The following ABHD17B variants were observed in gnomAD, a reference collection of about 807,000 sequenced individuals.
The protein encoded by ABHD17B is alpha/beta hydrolase domain-containing protein 17B.
In ABHD17B, 9 loss-of-function variants were observed where a neutral mutation model predicts 26.2. The ratio of observed to expected loss-of-function variants is 0.34; its 90% confidence interval spans 0.21 to 0.60. ABHD17B has a LOEUF of 0.60. Ranked by LOEUF, ABHD17B falls within the 20% of genes least tolerant of loss-of-function variation. The pLI, the probability that ABHD17B is intolerant of heterozygous loss-of-function variation, is 0.80. For missense variants in ABHD17B, 224 were observed against 352.1 expected, an observed-to-expected ratio of 0.64 and a Z score of 2.91; for synonymous variants, 127 against 122.3, an observed-to-expected ratio of 1.04 and a Z score of -0.25.
chr9:71,899,439 A>C (rs758556891), intron 1 of ABHD17B, among the ~76,000 whole-genome samples: 1 of 152,228 alleles, frequency 6.6e-6, no homozygotes, highest in Non-Finnish European at 1.5e-5. Context: ...TAAGGAAGAA[A>C]GCAGGCATTT....
At chr9:71,902,376 T>C (rs1362850775) in intron 1 of ABHD17B, 3 of 152,174 alleles carry the variant, frequency 2.0e-5, no homozygotes, top group African/African-American at 7.2e-5. Flanking sequence ...CCTTTATATA[T>C]GTAAAGTCCT....
chr9:71,891,459 A>G (rs946908393), intron 1 of ABHD17B, among the ~76,000 whole-genome samples: 19 of 152,132 alleles, frequency 1.2e-4, no homozygotes, highest in Admixed American at 9.2e-4. Flanking sequence ...ACTATCCACT[A>G]TATCTATAAA....
intron 1 of ABHD17B, among the ~76,000 whole-genome samples, chr9:71,875,678 C>A (rs1826253289): frequency 6.6e-6 from 1 of 152,188 alleles, no homozygotes; most frequent in South Asian, 2.1e-4. Flanking sequence ...TAATATTTGC[C>A]ATTTCTTTAC....
In ABHD17B at chr9:71,874,735, A is replaced by G. The variant is rs149670177; in HGVS notation, c.346T>C (p.Ser116Pro). The G allele has an allele frequency of 1.3e-4, 215 of 1,614,094 alleles. 1 individual carries two copies. Among genetic ancestry groups the G allele is most frequent in the Non-Finnish European group, 1.6e-4 (188 of 1,180,034 alleles). Residue 116 changes from serine (S) to proline (P), a missense_variant, in exon 2 of 4, where the codon TCA (serine) becomes CCA (proline). Transcript: ENST00000333421. Reference protein sequence around the residue: ...QMSSFYIGLGSRINCNIFSYD... With the variant: ...QMSSFYIGLGPRINCNIFSYD... ...GAGAATATATTACAATTAATCCGTGATCCTAGTCCTATGTAAAAGCTGCTC... is the reference window on the plus strand; with the variant it reads ...GAGAATATATTACAATTAATCCGTGGTCCTAGTCCTATGTAAAAGCTGCTC...
chr9:71,875,010 G>A lies in ABHD17B; in HGVS notation c.71C>T (p.Ser24Leu). Residue 24 changes from serine to leucine, a missense_variant, in exon 2 of 4, where the codon TCA (serine) becomes TTA (leucine). Physicochemically the swap from Ser to Leu is moderately radical, Grantham distance 145. Transcript: ENST00000333421. ...ATCAGGTGGCAAAAACGCTAATTTT[G>A]AAGCAATCTTCCCTGGACAAGGTGG... is the stretch of plus-strand genomic sequence containing the variant. ...CCPPCPGKIA[S>L]KLAFLPPDPT... 1 of 1,614,088 alleles carries A rather than the reference G, an allele frequency of 6.2e-7. No homozygotes were observed. The highest frequency in any genetic ancestry group is 8.5e-7 in the Non-Finnish European group (1 of 1,180,008).
chr9:71,866,849 G>C lies in ABHD17B; in HGVS notation c.805C>G (p.Leu269Val). The C allele has an allele frequency of 6.2e-7, 1 of 1,614,174 alleles. No homozygotes were observed. Among genetic ancestry groups the C allele is most frequent in the East Asian group, 2.2e-5 (1 of 44,886 alleles). The change falls in exon 4 of 4, where the codon CTT (leucine) becomes GTT (valine). Residue 269 changes from leucine (L) to valine (V), a missense_variant. Transcript: ENST00000333421. Reference protein sequence around the residue: ...VEGAGHNDVELYGQYLERLKQ... With the variant: ...VEGAGHNDVEVYGQYLERLKQ... ...AACCTTTCAAGATACTGTCCATAAA[G>C]TTCCACATCATTGTGACCTGCTCCT...
rs1261791573 is a variant in ABHD17B at position 71,910,586 on chromosome 9, CTCCCCGAGCCGGGCTGCGGCGTCCCCAA to C, written c.-4+20_-4+47del. On this transcript the variant is annotated intron_variant, in intron 1 of 3. Transcript: ENST00000333421. Reference sequence around the variant, plus strand: ...GCTGCGGCTCCCGGCCTAGCGCCCCCTCCCCGAGCCGGGCTGCGGCGTCCCCAAACCCCGAGGCCGCACGCACCTGCAC... The same window carrying C: ...GCTGCGGCTCCCGGCCTAGCGCCCCCACCCCGAGGCCGCACGCACCTGCAC... The C allele has an allele frequency of 6.6e-6, 1 of 152,078 alleles. No homozygotes were observed. The highest frequency in any genetic ancestry group is 1.5e-5 in the Non-Finnish European group (1 of 68,054). The allele number at this position is 152,078 out of a possible 1,614,324, so 9.4% of individuals were successfully genotyped here.
Position 71,896,222 on chromosome 9 carries a change from T to A in ABHD17B, c.-4+14412A>T, listed in dbSNP as rs1826948617. Among the ~76,000 whole-genome samples the A allele has an allele frequency of 2.0e-5, 3 of 152,310 alleles. No homozygotes were observed. In the South Asian group the frequency reaches 6.2e-4, roughly 32 times the overall value. On this transcript the variant is annotated intron_variant, in intron 1 of 3. Coordinates refer to ENST00000333421, the MANE Select transcript of ABHD17B (RefSeq NM_001025780.3). The stretch of plus-strand genomic sequence containing the variant: ...CTTGATTCAGTGAATGCTCATTCTG[T>A]CCCCAACTTCACTTCTATATGATTA...
At chr9:71,862,598 G>C (rs144986647), downstream of ABHD17B, 244 of 1,327,238 alleles carry the variant, frequency 1.8e-4, no homozygotes, top group East Asian at 5.5e-3. Flanking sequence ...CCTTCTTTAT[G>C]TTTCTGCACC....
rs1235834729 is a variant in ABHD17B at position 71,875,098 on chromosome 9, G to A, written c.-3-15C>T. 1.3e-6 allele frequency: 2 copies of A among 1,574,284 alleles called. No individual in the cohort carries two copies. Among genetic ancestry groups the A allele is most frequent in the African/African-American group, 1.4e-5 (1 of 73,966 alleles). On this transcript the variant is annotated splice_polypyrimidine_tract_variant and intron_variant, in intron 1 of 3. Transcript: ENST00000333421. Reference sequence around the variant, plus strand: ...TTATTCATGCTCTGAAAAAGAAAAGGAGATAGCAAATATTTTAATAACTGA... The same window carrying A: ...TTATTCATGCTCTGAAAAAGAAAAGAAGATAGCAAATATTTTAATAACTGA...
intron 1 of ABHD17B, among the ~76,000 whole-genome samples, chr9:71,888,290 C>T (rs1325555908): frequency 2.6e-5 from 4 of 152,298 alleles, no homozygotes; most frequent in African/African-American, 7.2e-5. Context: ...TGTTGCTGAG[C>T]GTAAGCTAGA....
intron 1 of ABHD17B, among the ~76,000 whole-genome samples, chr9:71,895,850 T>C (rs1041710491): frequency 1.3e-5 from 2 of 152,112 alleles, no homozygotes; most frequent in African/African-American, 4.8e-5. Context: ...AAAAATTACT[T>C]TGGAATGCAA....
chr9:71,887,590 G>C (rs1448368061), intron 1 of ABHD17B, among the ~76,000 whole-genome samples: 1 of 152,146 alleles, frequency 6.6e-6, no homozygotes, highest in Non-Finnish European at 1.5e-5. Flanking sequence ...GTGGCTACAA[G>C]TTACACAGCA....
chr9:71,864,508 C>T (rs548877700), downstream of ABHD17B, among the ~76,000 whole-genome samples: 2 of 151,920 alleles, frequency 1.3e-5, no homozygotes, highest in Non-Finnish European at 2.9e-5. Flanking sequence ...CATGAGCCAC[C>T]GCCCCTGGCC....
chr9:71,887,521 T>C (rs1036888465), intron 1 of ABHD17B, among the ~76,000 whole-genome samples: 20 of 152,212 alleles, frequency 1.3e-4, no homozygotes, highest in African/African-American at 4.6e-4. Context: ...CCACATATGA[T>C]TATTTAAATT....
At chr9:71,877,366 A>G (rs1826307930) in intron 1 of ABHD17B, among the ~76,000 whole-genome samples, 1 of 152,220 alleles carries the variant, frequency 6.6e-6, no homozygotes, top group African/African-American at 2.4e-5. Context: ...TTAATAAGTA[A>G]ATGGTACGTA....
Position 71,895,311 on chromosome 9 carries a change from G to C in ABHD17B, c.-4+15323C>G, listed in dbSNP as rs538651972. ...ACAGTGTTAGTAAATGGTAAAGCCA[G>C]GTTTCATATTCAGCAGTCATCAGGA... On this transcript the variant is annotated intron_variant, in intron 1 of 3. Transcript: ENST00000333421. Among the ~76,000 whole-genome samples, 3 of 152,300 alleles carry C rather than the reference G, an allele frequency of 2.0e-5. No homozygotes were observed. The South Asian group carries it at 6.2e-4, about 32-fold the overall frequency.
At chr9:71,868,305 T>C (rs1296908064) in intron 3 of ABHD17B, among the ~76,000 whole-genome samples, 31 of 152,234 alleles carry the variant, frequency 2.0e-4, no homozygotes, top group Admixed American at 2.0e-3. Context: ...TGCTAAATCT[T>C]GATTGTCTGC....
At chr9:71,905,122 GT>G (rs1484923787) in intron 1 of ABHD17B, among the ~76,000 whole-genome samples, 5 of 151,658 alleles carry the variant, frequency 3.3e-5, no homozygotes, top group African/African-American at 9.7e-5. Flanking sequence ...AGTGGAAGAA[GT>G]TTTTTGTTTT....
Sources: allele counts gnomAD v4.1 joint callset (sites outside exome capture counted in the v4.1 genomes callset), GRCh38; gene constraint gnomAD v4.1.1; transcripts MANE v1.5; gene names NCBI Gene and HGNC (gene_info 2026-07-23, HGNC 2026-07-21).